EPB41: variants seen among roughly 807,000 people sequenced by gnomAD.
EPB41 encodes erythrocyte membrane protein band 4.1.
Under a neutral mutation model 108.0 loss-of-function variants are expected in EPB41, and 65 were observed. That is an observed-to-expected ratio of 0.60 (90% CI 0.49 to 0.74). The LOEUF (loss-of-function observed/expected upper bound fraction) is 0.74. EPB41 is among the 30% of genes least tolerant of loss of function. The pLI, the probability that EPB41 is intolerant of heterozygous loss-of-function variation, is 0.00. For missense variants in EPB41, 875 were observed against 1,037.0 expected (o/e 0.84, Z 2.15); for synonymous variants, 336 against 358.9 (o/e 0.94, Z 0.72).
intron 16 of EPB41, among the ~76,000 whole-genome samples, chr1:29,076,149 A>G (rs1360728698): frequency 6.6e-6 from 1 of 152,206 alleles, no homozygotes; most frequent in Non-Finnish European, 1.5e-5. Flanking sequence ...GAAACTAGTC[A>G]CTATTCTTAC....
chr1:29,090,366 T>C (rs1660750600), intron 16 of EPB41, among the ~76,000 whole-genome samples: 1 of 152,150 alleles, frequency 6.6e-6, no homozygotes, highest in Admixed American at 6.6e-5. Flanking sequence ...GGTTAGCGGA[T>C]AAATGTAAGG....
intron 16 of EPB41, among the ~76,000 whole-genome samples, chr1:29,095,785 G>A (rs573205513): frequency 2.6e-5 from 4 of 151,448 alleles, no homozygotes; most frequent in Non-Finnish European, 5.9e-5. Context: ...AAAAAAAAAA[G>A]AATATATTTT....
At chr1:29,103,111 GT>G (rs1666012468) in intron 17 of EPB41, among the ~76,000 whole-genome samples, 1 of 152,152 alleles carries the variant, frequency 6.6e-6, no homozygotes, top group Non-Finnish European at 1.5e-5. Context: ...GTTTCACCTT[GT>G]GGGCCAGGTT....
At position 29,065,124 on chromosome 1, in the gene EPB41, T is replaced by C. The variant is rs151256834; in HGVS notation, c.2150T>C (p.Leu717Pro). ...TCCACTCACTCACCCTTCCGAACTC[T>C]TAACATCAATGGGCAAATCCCCACA... Reference protein sequence around the residue: ...RLSTHSPFRTLNINGQIPTGE... With the variant: ...RLSTHSPFRTPNINGQIPTGE... The change falls in exon 16 of 21, where the codon CTT (leucine) becomes CCT (proline). Residue 717 changes from leucine to proline, a missense_variant. By Grantham distance (98) the Leu-to-Pro change is moderately conservative (BLOSUM62 -3). This residue lies in a region of EPB41 where 519 missense variants were observed against 627.3 expected (regional missense o/e 0.83). Coordinates refer to ENST00000343067, the MANE Select transcript of EPB41 (RefSeq NM_001376013.1). 1.5e-5 allele frequency: 24 copies of C among 1,610,580 alleles called. No homozygotes were observed. The African/African-American group carries it at 2.9e-4, about 20-fold the overall frequency.
chr1:28,935,473 C>T (rs150918130), intron 1 of EPB41, among the ~76,000 whole-genome samples: 1 of 49,552 alleles, frequency 2.0e-5, no homozygotes, highest in East Asian at 8.1e-4. Flanking sequence ...ACACACCCCC[C>T]CCCCCCCAAG....
intron 1 of EPB41, among the ~76,000 whole-genome samples, chr1:28,907,540 T>A (rs2091933255): frequency 6.6e-6 from 1 of 152,070 alleles, no homozygotes; most frequent in South Asian, 2.1e-4. Flanking sequence ...GGAAGAAGAT[T>A]GAAATTGTAA....
intron 12 of EPB41, among the ~76,000 whole-genome samples, chr1:29,056,119 AGCT>A (rs937002740): frequency 2.0e-5 from 3 of 151,430 alleles, no homozygotes; most frequent in African/African-American, 7.3e-5. Flanking sequence ...GTGTAGTCTC[AGCT>A]ACTCGGGAGG....
chr1:29,021,782 C>T (rs1388145661), intron 7 of EPB41, among the ~76,000 whole-genome samples: 1 of 152,138 alleles, frequency 6.6e-6, no homozygotes, highest in Non-Finnish European at 1.5e-5. Context: ...CAAGGTTTCA[C>T]CGTGTTAGCC....
chr1:28,956,880 T>C (rs1030205990), intron 1 of EPB41, among the ~76,000 whole-genome samples: 3 of 152,218 alleles, frequency 2.0e-5, no homozygotes, highest in East Asian at 1.9e-4. Flanking sequence ...TGCTGGATGA[T>C]ATAAAGAAGC....
At chr1:28,955,586 G>A (rs1231118983) in intron 1 of EPB41, among the ~76,000 whole-genome samples, 3 of 151,988 alleles carry the variant, frequency 2.0e-5, no homozygotes, top group East Asian at 1.9e-4. Context: ...CTCATGATCC[G>A]CTCACCTTGG....
intron 1 of EPB41, among the ~76,000 whole-genome samples, chr1:28,968,128 G>A (rs1448123039): frequency 6.6e-6 from 1 of 151,760 alleles, no homozygotes. Flanking sequence ...GGAGGCTGAG[G>A]TGGACAGATC....
In EPB41 at chr1:29,031,527, A is replaced by G. The variant is rs547134999; in HGVS notation, c.1212+1040A>G. ...TATGGTGTCTGAGCCAGCAACATTT[A>G]ACATCACCTAGGAACTTGTTAGAAA... On this transcript the variant is annotated intron_variant, in intron 8 of 20. Transcript: ENST00000343067. Among the ~76,000 whole-genome samples, 12 of 152,270 alleles carry G rather than the reference A, an allele frequency of 7.9e-5. No individual in the cohort carries two copies. The South Asian group carries it at 2.3e-3, about 29-fold the overall frequency.
At chr1:28,912,213 C>T (rs1247227551), upstream of EPB41, among the ~76,000 whole-genome samples, 4 of 152,288 alleles carry the variant, frequency 2.6e-5, no homozygotes, top group Non-Finnish European at 5.9e-5. Context: ...CAGATACAGT[C>T]CCTGCCTTCC....
At chr1:29,101,472 G>A (rs936087668) in intron 17 of EPB41, among the ~76,000 whole-genome samples, 5 of 151,960 alleles carry the variant, frequency 3.3e-5, no homozygotes, top group South Asian at 2.1e-4. Context: ...TCTCTCTTTC[G>A]TGGTCTAGAG....
chr1:28,992,730 A>G (rs1312003730), intron 2 of EPB41, among the ~76,000 whole-genome samples: 1 of 152,158 alleles, frequency 6.6e-6, no homozygotes, highest in Non-Finnish European at 1.5e-5. Flanking sequence ...ACTTATCGGT[A>G]TTATTTGGGG....
intron 2 of EPB41, among the ~76,000 whole-genome samples, chr1:28,989,054 G>C (rs942857340): frequency 1.3e-5 from 2 of 152,152 alleles, no homozygotes; most frequent in African/African-American, 4.8e-5. Context: ...GTTCTTTTAC[G>C]TAAATCTTCC....
intron 17 of EPB41, among the ~76,000 whole-genome samples, chr1:29,106,807 G>A (rs1293863793): frequency 1.3e-5 from 2 of 150,954 alleles, no homozygotes; most frequent in South Asian, 2.1e-4. Flanking sequence ...TCCTGACCTC[G>A]TGATCCGCCT....
chr1:29,052,680 G>T (rs1298036764), intron 11 of EPB41, among the ~76,000 whole-genome samples: 11 of 151,986 alleles, frequency 7.2e-5, no homozygotes, highest in South Asian at 2.1e-4. Context: ...ATATTTTTAG[G>T]TTCCTGAAAT....
intron 1 of EPB41, among the ~76,000 whole-genome samples, chr1:28,962,257 C>T (rs2149159603): frequency 6.6e-6 from 1 of 152,176 alleles, no homozygotes. Context: ...GACGGGGTTT[C>T]ACCACGTTGG....
Sources: allele counts gnomAD v4.1 joint callset (sites outside exome capture counted in the v4.1 genomes callset), GRCh38; gene constraint gnomAD v4.1.1; regional missense constraint gnomAD v4.1.1; transcripts MANE v1.5; gene names NCBI Gene and HGNC (gene_info 2026-07-23, HGNC 2026-07-21).